The following SSH2 variants were observed in gnomAD, a reference collection of about 807,000 sequenced individuals.
The protein encoded by SSH2 is protein phosphatase Slingshot homolog 2.
A neutral mutation model predicts 135.2 loss-of-function variants in SSH2; 37 were observed. The observed-to-expected ratio is 0.27, with a 90% confidence interval of 0.21 to 0.36. The LOEUF is 0.36. SSH2 is among the 10% of genes least tolerant of loss of function. SSH2 has a pLI of 1.00. For missense variants in SSH2, 1,408 were observed against 1,765.3 expected (o/e 0.80, Z 3.63); for synonymous variants, 628 against 646.2 (o/e 0.97, Z 0.43).
intron 2 of SSH2, among the ~76,000 whole-genome samples, chr17:29,838,569 G>T (rs1165521713): frequency 6.6e-6 from 1 of 152,150 alleles, no homozygotes; most frequent in African/African-American, 2.4e-5. Flanking sequence ...TCCCTCTGAG[G>T]CCCATGAAAA....
chr17:29,737,799 G>C (rs2040419522), intron 3 of SSH2, among the ~76,000 whole-genome samples: 1 of 152,160 alleles, frequency 6.6e-6, no homozygotes, highest in Non-Finnish European at 1.5e-5. Context: ...CTGATCTTGA[G>C]AAAGCAAGAT....
chr17:29,861,499 AC>A (rs1276371428), intron 1 of SSH2, among the ~76,000 whole-genome samples: 1 of 152,152 alleles, frequency 6.6e-6, no homozygotes. Context: ...TAACATATTT[AC>A]AGGTTCACAG....
At position 29,632,198 on chromosome 17, in the gene SSH2, G is replaced by A. The variant is rs369582289; in HGVS notation, c.2996C>T (p.Pro999Leu). The stretch of plus-strand genomic sequence containing the variant: ...CTGCTGTGTTCCAGTATCTGACCCT[G>A]GGCCCTCCTGAGGATCTGGCAAGTG... ...FDHLPDPQEG[P>L]GSDTGTQQEG... Residue 999 changes from proline (P) to leucine (L), a missense_variant, in exon 16 of 16, where the codon CCA becomes CTA. Physicochemically the swap from Pro to Leu is moderately conservative, Grantham distance 98. Coordinates refer to ENST00000540801, the MANE Select transcript of SSH2 (RefSeq NM_001282129.2). The A allele has an allele frequency of 4.3e-6, 7 of 1,613,812 alleles. No individual in the cohort carries two copies. The highest frequency in any genetic ancestry group is 1.3e-5 in the African/African-American group (1 of 74,884).
At chr17:29,671,901 G>C in intron 9 of SSH2, 34 bp downstream of exon 9, 1 of 1,569,426 alleles carries the variant, frequency 6.4e-7, no homozygotes, top group Non-Finnish European at 8.7e-7. Context: ...ACATAATGGA[G>C]AGAACTTCCA....
intron 2 of SSH2, among the ~76,000 whole-genome samples, chr17:29,816,415 C>A (rs909043632): frequency 2.0e-5 from 3 of 152,174 alleles, no homozygotes; most frequent in Non-Finnish European, 4.4e-5. Context: ...GTTGCCTATT[C>A]ACTCTCCACT....
intron 1 of SSH2, among the ~76,000 whole-genome samples, chr17:29,881,810 C>T (rs1366425382): frequency 3.9e-5 from 6 of 152,152 alleles, no homozygotes; most frequent in African/African-American, 1.4e-4. Context: ...CACCACTGCG[C>T]CTGGCCCTAC....
At chr17:29,695,409 T>C (rs760572724) in intron 5 of SSH2, 50 bp downstream of exon 5, 2 of 1,497,584 alleles carry the variant, frequency 1.3e-6, no homozygotes, top group Non-Finnish European at 1.9e-6. Context: ...ATTTTGGCTA[T>C]CTTAGATAGT....
chr17:29,897,071 C>T (rs2066459239), intron 1 of SSH2, among the ~76,000 whole-genome samples: 1 of 151,800 alleles, frequency 6.6e-6, no homozygotes, highest in South Asian at 2.1e-4. Context: ...ATAAATAACT[C>T]ACTTAAGTAG....
intron 2 of SSH2, among the ~76,000 whole-genome samples, chr17:29,841,983 C>G (rs1487057793): frequency 1.3e-5 from 2 of 150,518 alleles, no homozygotes; most frequent in Non-Finnish European, 3.0e-5. Flanking sequence ...ATCCTCCCGC[C>G]TCAGCCTCCC....
At chr17:29,860,367 C>CT (rs955413591) in intron 1 of SSH2, among the ~76,000 whole-genome samples, 2 of 150,778 alleles carry the variant, frequency 1.3e-5, no homozygotes, top group African/African-American at 4.9e-5. Flanking sequence ...TGATGTTGAG[C>CT]TTTTTTTCAT....
At chr17:29,751,225 G>C (rs2040930474) in intron 3 of SSH2, among the ~76,000 whole-genome samples, 1 of 152,184 alleles carries the variant, frequency 6.6e-6, no homozygotes, top group Non-Finnish European at 1.5e-5. Flanking sequence ...AGACCAGCCT[G>C]ATCAACATAG....
intron 1 of SSH2, among the ~76,000 whole-genome samples, chr17:29,860,112 T>C (rs1288752773): frequency 6.6e-6 from 1 of 152,140 alleles, no homozygotes; most frequent in African/African-American, 2.4e-5. Context: ...CCTCTCAAAG[T>C]GCTGGGATTA....
chr17:29,846,209 A>G (rs2043131555), intron 2 of SSH2, among the ~76,000 whole-genome samples: 1 of 152,012 alleles, frequency 6.6e-6, no homozygotes, highest in African/African-American at 2.4e-5. Context: ...AGACTTTTGT[A>G]TTTTTAGTAG....
intron 2 of SSH2, among the ~76,000 whole-genome samples, chr17:29,809,977 T>G (rs1224934259): frequency 6.6e-6 from 1 of 152,184 alleles, no homozygotes; most frequent in Non-Finnish European, 1.5e-5. Context: ...AGTTCTCTAG[T>G]GTAGCAATTC....
At chr17:29,645,108 G>T (rs981685403) in intron 14 of SSH2, 1 of 152,214 alleles carries the variant, frequency 6.6e-6, no homozygotes, top group Non-Finnish European at 1.5e-5. Context: ...CTTGGAGGAA[G>T]ATGAGAATCA....
intron 2 of SSH2, among the ~76,000 whole-genome samples, chr17:29,825,605 T>C (rs2042729035): frequency 6.6e-6 from 1 of 152,230 alleles, no homozygotes; most frequent in African/African-American, 2.4e-5. Flanking sequence ...TTGATGGTTA[T>C]CTGACAAGGG....
chr17:29,643,109 C>T (rs2036231885), intron 14 of SSH2: 1 of 985,046 alleles, frequency 1.0e-6, no homozygotes, highest in Non-Finnish European at 1.2e-6. Flanking sequence ...ACCTAAATTG[C>T]AAGGCTTGAT....
At chr17:29,646,916 A>G (rs1157932170) in intron 14 of SSH2, among the ~76,000 whole-genome samples, 1 of 152,112 alleles carries the variant, frequency 6.6e-6, no homozygotes, top group Non-Finnish European at 1.5e-5. Flanking sequence ...GAGAAGGCTC[A>G]GTGAAAACAA....
chr17:29,833,089 A>G (rs2042876305), intron 2 of SSH2, among the ~76,000 whole-genome samples: 3 of 152,342 alleles, frequency 2.0e-5, no homozygotes, highest in East Asian at 3.9e-4. Flanking sequence ...TGTTCTGTAA[A>G]TATCTATTAG....
Sources: gnomAD v4.1 joint callset for allele counts (sites outside exome capture counted in the v4.1 genomes callset) on GRCh38, gnomAD v4.1.1 for gene constraint, MANE v1.5 for transcripts, NCBI Gene and HGNC (gene_info 2026-07-23, HGNC 2026-07-21) for gene names.